The following SUPT3H variants were observed in gnomAD, a reference collection of about 807,000 sequenced individuals.
SUPT3H encodes the protein transcription initiation protein SPT3 homolog.
A neutral mutation model predicts 44.3 loss-of-function variants in SUPT3H; 44 were observed. The ratio of observed to expected loss-of-function variants is 0.99; its 90% CI spans 0.78 to 1.28. The LOEUF is 1.28. SUPT3H is among the 50% of genes most tolerant of loss of function. The pLI, the probability that SUPT3H is intolerant of heterozygous loss-of-function variation, is 0.00. For missense variants in SUPT3H, 380 were observed against 387.1 expected (o/e 0.98, Z 0.15); for synonymous variants, 124 against 125.6 (o/e 0.99, Z 0.09).
intron 2 of SUPT3H, among the ~76,000 whole-genome samples, chr6:45,340,508 G>C (rs1323167914): frequency 6.6e-6 from 1 of 151,976 alleles, no homozygotes; most frequent in African/African-American, 2.4e-5. Flanking sequence ...ATTTTTTGTA[G>C]AGACAGGTTT....
At chr6:44,824,537 A>AGTT (rs1767598453), downstream of SUPT3H, among the ~76,000 whole-genome samples, 1 of 152,290 alleles carries the variant, frequency 6.6e-6, no homozygotes, top group East Asian at 1.9e-4. Flanking sequence ...AGGCTGGTGC[A>AGTT]GTTATTTGGA....
intron 11 of SUPT3H, among the ~76,000 whole-genome samples, chr6:44,812,755 CCAAA>C (rs1416372252): frequency 1.3e-5 from 2 of 152,196 alleles, no homozygotes; most frequent in South Asian, 2.1e-4. Context: ...CGAAGTGAGG[CCAAA>C]CAGTCTGGGA....
chr6:44,870,990 G>C (rs1424896098), intron 10 of SUPT3H, among the ~76,000 whole-genome samples: 2 of 151,202 alleles, frequency 1.3e-5, no homozygotes, highest in African/African-American at 2.4e-5. Context: ...CTGGCTCAGA[G>C]GGTCCTATGC....
chr6:44,960,616 C>G (rs1374338315), intron 7 of SUPT3H, among the ~76,000 whole-genome samples: 1 of 151,846 alleles, frequency 6.6e-6, no homozygotes, highest in African/African-American at 2.4e-5. Context: ...AAAAATAGTT[C>G]AATTGCACTA....
chr6:45,071,255 A>T (rs1214432165), intron 3 of SUPT3H, among the ~76,000 whole-genome samples: 1 of 152,136 alleles, frequency 6.6e-6, no homozygotes, highest in South Asian at 2.1e-4. Flanking sequence ...ATAGGTCAGT[A>T]AACCAAGGAT....
intron 2 of SUPT3H, among the ~76,000 whole-genome samples, chr6:45,169,606 T>C (rs1047964591): frequency 2.0e-5 from 3 of 152,206 alleles, no homozygotes; most frequent in African/African-American, 4.8e-5. Flanking sequence ...TATCAGAGTT[T>C]AGAGTCTTTT....
chr6:45,138,841 T>G (rs1804731787), intron 2 of SUPT3H, among the ~76,000 whole-genome samples: 2 of 152,160 alleles, frequency 1.3e-5, no homozygotes, highest in Admixed American at 6.6e-5. Flanking sequence ...TGACAGTGAA[T>G]TTTACACTAT....
In SUPT3H at chr6:44,875,349, A is replaced by T. The variant is rs1189849523; in HGVS notation, c.913-45492T>A. Reference sequence around the variant, plus strand: ...ACAGAGCCCTCAGAAATAATGCCGCATATCTACAACTATCTGATCTTTGAC... The same window carrying T: ...ACAGAGCCCTCAGAAATAATGCCGCTTATCTACAACTATCTGATCTTTGAC... On this transcript the variant is annotated intron_variant, in intron 10 of 10. Coordinates refer to ENST00000371459, the MANE Select transcript of SUPT3H (RefSeq NM_003599.4). Among the ~76,000 whole-genome samples the T allele has an allele frequency of 8.8e-5, 4 of 45,382 alleles. No individual in the cohort carries two copies. The East Asian group carries it at 2.1e-3, about 23-fold the overall frequency. 29.8% of individuals were successfully genotyped at this position (45,382 alleles called of 152,430 possible).
chr6:45,231,607 T>C (rs1477417064), intron 2 of SUPT3H, among the ~76,000 whole-genome samples: 2 of 152,216 alleles, frequency 1.3e-5, no homozygotes, highest in Non-Finnish European at 2.9e-5. Flanking sequence ...TGGGGGTCAC[T>C]AGGCTTTCTG....
intron 3 of SUPT3H, among the ~76,000 whole-genome samples, chr6:45,056,476 A>G (rs1013695027): frequency 6.6e-6 from 1 of 152,236 alleles, no homozygotes; most frequent in African/African-American, 2.4e-5. Context: ...GTATAGGTAC[A>G]TCATGGAATA....
intron 10 of SUPT3H, among the ~76,000 whole-genome samples, chr6:44,881,250 T>C (rs1331444806): frequency 6.6e-6 from 1 of 151,480 alleles, no homozygotes; most frequent in East Asian, 1.9e-4. Context: ...CCTAGTTTGA[T>C]AAAACAGACT....
intron 2 of SUPT3H, among the ~76,000 whole-genome samples, chr6:45,169,674 C>G (rs1810466091): frequency 6.6e-6 from 1 of 152,086 alleles, no homozygotes; most frequent in African/African-American, 2.4e-5. Context: ...TGTGGAAAAG[C>G]TCTTCAGATT....
chr6:44,908,458 C>T (rs1163671672), intron 10 of SUPT3H, among the ~76,000 whole-genome samples: 1 of 151,928 alleles, frequency 6.6e-6, no homozygotes, highest in African/African-American at 2.4e-5. Flanking sequence ...GCCAGAAATA[C>T]CATTTTTAAA....
chr6:45,109,769 A>T lies in SUPT3H; in HGVS notation c.102-3763T>A, dbSNP rs73737888. On this transcript the variant is annotated intron_variant, in intron 2 of 10. Coordinates refer to ENST00000371459, the MANE Select transcript of SUPT3H (RefSeq NM_003599.4). ...ACAGTCACTTCCTTTTTTGCTCTGC[A>T]ATGTATGTACTACTTGTAAGCCACT... 6.0e-3 allele frequency among the ~76,000 whole-genome samples: 918 copies of T among 152,276 alleles called. 14 individuals are homozygous for T. The highest frequency in any genetic ancestry group is 0.021 in the African/African-American group (876 of 41,562).
intron 2 of SUPT3H, among the ~76,000 whole-genome samples, chr6:45,288,885 T>C (rs1307564422): frequency 6.6e-6 from 1 of 151,886 alleles, no homozygotes; most frequent in African/African-American, 2.4e-5. Context: ...ACTTATCTTC[T>C]CTCCCTTCCA....
chr6:45,026,391 C>T (rs1405754914), intron 3 of SUPT3H, among the ~76,000 whole-genome samples: 1 of 150,330 alleles, frequency 6.7e-6, no homozygotes, highest in Non-Finnish European at 1.5e-5. Flanking sequence ...TTATGTTTCT[C>T]TTTTATTTGA....
At chr6:45,079,355 A>G (rs905133196) in intron 3 of SUPT3H, among the ~76,000 whole-genome samples, 2 of 151,850 alleles carry the variant, frequency 1.3e-5, no homozygotes, top group Admixed American at 1.3e-4. Flanking sequence ...GAAGAAAAAG[A>G]AAGAAGAAAA....
At chr6:45,080,402 C>T (rs1795631955) in intron 3 of SUPT3H, among the ~76,000 whole-genome samples, 1 of 152,004 alleles carries the variant, frequency 6.6e-6, no homozygotes, top group Non-Finnish European at 1.5e-5. Context: ...AATCTAAAAA[C>T]AGAGCTACCA....
chr6:45,117,423 A>G (rs1367087114), intron 2 of SUPT3H, among the ~76,000 whole-genome samples: 1 of 152,080 alleles, frequency 6.6e-6, no homozygotes. Context: ...TACTGATATC[A>G]ATTGTGAGCT....
Sources: allele counts gnomAD v4.1 joint callset (sites outside exome capture counted in the v4.1 genomes callset), GRCh38; gene constraint gnomAD v4.1.1; transcripts MANE v1.5; gene names NCBI Gene and HGNC (gene_info 2026-07-23, HGNC 2026-07-21).